The following PNPLA1 variants were observed in gnomAD, a reference collection of about 807,000 sequenced individuals.
The protein encoded by PNPLA1 is omega-hydroxyceramide transacylase.
Under a neutral mutation model 51.7 loss-of-function variants are expected in PNPLA1, and 36 were observed. The observed-to-expected ratio is 0.70, with a 90% CI of 0.53 to 0.92. The LOEUF is 0.92. Among genes scored for constraint, PNPLA1 ranks in the 40% least tolerant of loss-of-function variants. The pLI, the probability that PNPLA1 is intolerant of heterozygous loss-of-function variation, is 0.00. For missense variants in PNPLA1, 658 were observed against 682.5 expected (o/e 0.96, Z 0.40); for synonymous variants, 293 against 280.1 (o/e 1.05, Z -0.46).
At position 36,312,942 on chromosome 6, in the gene PNPLA1, C is replaced by G. The variant is rs1005315831; in HGVS notation, c.*1056C>G. Among the ~76,000 whole-genome samples, 4 of 152,156 alleles carry G rather than the reference C, an allele frequency of 2.6e-5. No individual in the cohort carries two copies. The highest frequency in any genetic ancestry group is 9.7e-5 in the African/African-American group (4 of 41,424). On this transcript the variant is annotated 3_prime_UTR_variant, in exon 9 of 9. Coordinates refer to ENST00000636260, the MANE Select transcript of PNPLA1 (RefSeq NM_001374623.1). ...TCTTGGGGGCCCAGCAGGACTGAGC[C>G]AACGACACGCTTCCTCTTTCTTGTG...
At chr6:36,287,259 C>T (rs1204799302) in intron 1 of PNPLA1, among the ~76,000 whole-genome samples, 3 of 152,250 alleles carry the variant, frequency 2.0e-5, no homozygotes, top group East Asian at 1.9e-4. Context: ...AATTTCCAGC[C>T]CTCAGGGGAG....
rs1771444922 is a variant in PNPLA1, at chr6:36,313,296, A to G, written c.*1410A>G. 6.6e-6 allele frequency among the ~76,000 whole-genome samples: 1 copy of G among 152,130 alleles called. No homozygotes were observed. Among genetic ancestry groups the G allele is most frequent in the Non-Finnish European group, 1.5e-5 (1 of 68,024 alleles). ...CTCAATTTTTCCAGCCTGTCCAGAA[A>G]ATAATTGCCCCCCTCCTCCCCAGAG... On this transcript the variant is annotated 3_prime_UTR_variant, in exon 9 of 9. Transcript: ENST00000636260.
At chr6:36,288,463 T>TTTG in intron 1 of PNPLA1, among the ~76,000 whole-genome samples, 1 of 112,942 alleles carries the variant, frequency 8.9e-6, no homozygotes, top group Non-Finnish European at 1.8e-5. Context: ...TTTTTTTTTT[T>TTTG]GAGACGGAGT....
Position 36,294,514 on chromosome 6 carries a change from C to T in PNPLA1, c.714+115C>T. On this transcript the variant is annotated intron_variant, in intron 4 of 8. Coordinates refer to ENST00000636260, the MANE Select transcript of PNPLA1 (RefSeq NM_001374623.1). This position sits in a 1 kb window ranked among gnomAD's most constrained non-coding sequence, Gnocchi z 4.2. ...TCTGAGTCTCCTCCCCTCAAATGGTCCTTTAAACTTCCTCCTAGACCTGCA... is the reference window on the plus strand; with the variant it reads ...TCTGAGTCTCCTCCCCTCAAATGGTTCTTTAAACTTCCTCCTAGACCTGCA... 2 of 956,588 alleles carry T rather than the reference C, an allele frequency of 2.1e-6. No homozygotes were observed. Among genetic ancestry groups the T allele is most frequent in the Non-Finnish European group, 3.2e-6 (2 of 632,016 alleles). The allele number at this position is 956,588 out of a possible 1,614,324, so 59.3% of individuals were successfully genotyped here. A position where few individuals can be genotyped will look rare whatever the true frequency, so the allele number is the denominator to read the frequency against.
chr6:36,280,038 T>G (rs1770229647), intron 1 of PNPLA1, among the ~76,000 whole-genome samples: 1 of 152,078 alleles, frequency 6.6e-6, no homozygotes, highest in Non-Finnish European at 1.5e-5. Context: ...AAACCCTGTC[T>G]CTACTAAAAA....
At chr6:36,285,359 T>G (rs913783079) in intron 1 of PNPLA1, among the ~76,000 whole-genome samples, 1 of 152,196 alleles carries the variant, frequency 6.6e-6, no homozygotes, top group Non-Finnish European at 1.5e-5. Context: ...AGGCTACCAG[T>G]GCGCCCTGAG....
intron 1 of PNPLA1, among the ~76,000 whole-genome samples, chr6:36,287,786 ACACACACACC>A (rs1306945140): frequency 7.5e-5 from 9 of 120,494 alleles, no homozygotes; most frequent in African/African-American, 2.3e-4. Flanking sequence ...ACACACACAC[ACACACACACC>A]CCTGGAGAGA....
rs1484576964 is a variant in PNPLA1 at position 36,312,016 on chromosome 6, A to G, written c.*130A>G. On this transcript the variant is annotated 3_prime_UTR_variant, in exon 9 of 9. Transcript: ENST00000636260. ...AGTCAAGGTCAACACTAGCCCAGGC[A>G]GTACCTTTTATACTAAGAAAATAGC... is the stretch of plus-strand genomic sequence containing the variant. The G allele has an allele frequency of 2.0e-5, 3 of 152,636 alleles. No individual in the cohort carries two copies. The East Asian group carries it at 5.8e-4, about 29-fold the overall frequency. The allele number at this position is 152,636 out of a possible 1,614,324, so 9.5% of individuals were successfully genotyped here.
chr6:36,295,024 C>T (rs1237672521), intron 4 of PNPLA1, among the ~76,000 whole-genome samples: 1 of 152,198 alleles, frequency 6.6e-6, no homozygotes, highest in Non-Finnish European at 1.5e-5. Flanking sequence ...CAATAAGGGG[C>T]AGCCCAGAGA....
Position 36,300,633 on chromosome 6 carries a change from G to A in PNPLA1, c.776-1228G>A, listed in dbSNP as rs184373917. Among the ~76,000 whole-genome samples, 204 of 152,198 alleles carry A rather than the reference G, an allele frequency of 1.3e-3. 4 individuals carry two copies. Among genetic ancestry groups the A allele is most frequent in the East Asian group, 7.3e-3 (38 of 5,188 alleles). ...AGAGGTAAGGTGCTATTCACATCAC[G>A]TTACCTCATGGGCACGTGCTGCCAA... On this transcript the variant is annotated intron_variant, in intron 5 of 8. Coordinates refer to ENST00000636260, the MANE Select transcript of PNPLA1 (RefSeq NM_001374623.1).
intron 1 of PNPLA1, among the ~76,000 whole-genome samples, chr6:36,273,251 T>TAATAAATAAATAAATAAATA (rs61428212): frequency 7.5e-5 from 11 of 146,624 alleles, no homozygotes; most frequent in South Asian, 2.2e-4. Flanking sequence ...AATAAATAAA[T>TAATAAATAAATAAATAAATA]AATAAATAAA....
intron 1 of PNPLA1, among the ~76,000 whole-genome samples, chr6:36,283,598 C>T (rs1770386105): frequency 6.6e-6 from 1 of 152,056 alleles, no homozygotes; most frequent in Non-Finnish European, 1.5e-5. Flanking sequence ...AGTTCAAGTC[C>T]AGCCTGGGCA....
At chr6:36,311,652 C>G (rs182970123) in intron 8 of PNPLA1, 111 bp from the exon 9 acceptor site, 2 of 152,802 alleles carry the variant, frequency 1.3e-5, no homozygotes, top group East Asian at 3.9e-4. Context: ...GGGCAAGTAA[C>G]TTGCCCCAAG....
chr6:36,260,745 G>A (rs1357392728), intron 1 of PNPLA1, among the ~76,000 whole-genome samples: 1 of 152,116 alleles, frequency 6.6e-6, no homozygotes, highest in East Asian at 1.9e-4. Flanking sequence ...ATCCACATCA[G>A]GTCTGTTTCG....
intron 6 of PNPLA1, among the ~76,000 whole-genome samples, chr6:36,304,177 T>C (rs1032797599): frequency 3.9e-5 from 6 of 152,140 alleles, no homozygotes; most frequent in Non-Finnish European, 8.8e-5. Context: ...AATGAAGGAC[T>C]GAAGCCAGAT....
upstream of PNPLA1, among the ~76,000 whole-genome samples, chr6:36,269,365 G>A (rs1475231542): frequency 6.6e-6 from 1 of 152,130 alleles, no homozygotes; most frequent in Non-Finnish European, 1.5e-5. Flanking sequence ...GCCCCTCAGG[G>A]GGCAGAACCG....
chr6:36,278,166 T>C (rs948510011), intron 1 of PNPLA1, among the ~76,000 whole-genome samples: 1 of 152,238 alleles, frequency 6.6e-6, no homozygotes, highest in Non-Finnish European at 1.5e-5. Flanking sequence ...CATTTGATGT[T>C]GTACGGTCTT....
intron 1 of PNPLA1, among the ~76,000 whole-genome samples, chr6:36,249,293 A>C (rs575342804): frequency 6.6e-6 from 1 of 152,094 alleles, no homozygotes; most frequent in Non-Finnish European, 1.5e-5. Flanking sequence ...TATTATACAC[A>C]CTGGAGTTTC....
At chr6:36,269,958 G>A (rs766405884), upstream of PNPLA1, among the ~76,000 whole-genome samples, 1 of 152,198 alleles carries the variant, frequency 6.6e-6, no homozygotes. Flanking sequence ...AGCCCTTCAC[G>A]GCCGCAGCAG....
Sources: allele counts gnomAD v4.1 joint callset (sites outside exome capture counted in the v4.1 genomes callset), GRCh38; gene constraint gnomAD v4.1.1; non-coding constraint Gnocchi (gnomAD v3.1); transcripts MANE v1.5; gene names NCBI Gene and HGNC (gene_info 2026-07-23, HGNC 2026-07-21).